The following NPAT variants were observed in gnomAD, a reference collection of about 807,000 sequenced individuals.
NPAT encodes protein NPAT.
Under a neutral mutation model 130.7 loss-of-function variants are expected in NPAT, and 52 were observed. The ratio of observed to expected loss-of-function variants is 0.40; its 90% CI spans 0.32 to 0.50. The LOEUF is 0.50. Ranked by LOEUF, NPAT falls within the 20% of genes least tolerant of loss-of-function variation. NPAT has a pLI of 0.68. For missense variants in NPAT, 1,687 were observed against 1,662.6 expected, an observed-to-expected ratio of 1.01 and a Z score of -0.26; for synonymous variants, 580 against 584.8, an observed-to-expected ratio of 0.99 and a Z score of 0.12.
At position 108,173,110 on chromosome 11, in the gene NPAT, A is replaced by G. The variant is rs1279398107; in HGVS notation, c.1874T>C (p.Leu625Pro). Residue 625 changes from leucine to proline, a missense_variant, in exon 13 of 18, where the codon CTT becomes CCT. By Grantham distance (98) the Leu-to-Pro change is moderately conservative. This residue lies in a region of NPAT where 1,379 missense variants were observed against 1,346.6 expected (regional missense o/e 1.02). Transcript: ENST00000278612. ...TTTAGTAGAAGACAGCGAATCTCCA[A>G]GATGAATTTCTACTTGTCCAGATAC... is the stretch of plus-strand genomic sequence containing the variant. ...LNVSGQVEIH[L>P]GDSLSSTKQP... 1.1e-5 allele frequency: 18 copies of G among 1,614,094 alleles called. No individual in the cohort carries two copies. The highest frequency in any genetic ancestry group is 1.4e-5 in the Non-Finnish European group (17 of 1,179,988).
At chr11:108,160,648 C>T (rs1376558328) in intron 17 of NPAT, among the ~76,000 whole-genome samples, 4 of 152,188 alleles carry the variant, frequency 2.6e-5, no homozygotes, top group South Asian at 4.1e-4. Flanking sequence ...ACACCTTGTG[C>T]GTACTACACT....
At chr11:108,174,600 A>G (rs2077986581) in intron 12 of NPAT, among the ~76,000 whole-genome samples, 1 of 150,026 alleles carries the variant, frequency 6.7e-6, no homozygotes, top group Non-Finnish European at 1.5e-5. Context: ...GATATGAGTA[A>G]GGAAAGAGTA....
intron 10 of NPAT, among the ~76,000 whole-genome samples, chr11:108,184,761 C>T (rs961556580): frequency 6.6e-6 from 1 of 152,152 alleles, no homozygotes; most frequent in South Asian, 2.1e-4. Flanking sequence ...GAATTCCTGG[C>T]CTTAAGTGAT....
intron 15 of NPAT, among the ~76,000 whole-genome samples, chr11:108,163,000 A>G (rs1052682968): frequency 2.0e-5 from 3 of 152,244 alleles, no homozygotes; most frequent in African/African-American, 7.2e-5. Context: ...AAGAGCAAAG[A>G]TGAGATTATG....
intron 10 of NPAT, among the ~76,000 whole-genome samples, chr11:108,177,598 A>T (rs892481474): frequency 1.3e-5 from 2 of 152,222 alleles, no homozygotes; most frequent in Non-Finnish European, 2.9e-5. Context: ...AAAACTAGAT[A>T]GGTGTTTCCT....
At chr11:108,207,846 G>A (rs1171658824) in intron 1 of NPAT, among the ~76,000 whole-genome samples, 1 of 152,186 alleles carries the variant, frequency 6.6e-6, no homozygotes, top group Non-Finnish European at 1.5e-5. Flanking sequence ...CCCAGCTCCT[G>A]CTGCCCTGTG....
chr11:108,217,603 T>G (rs1001258900), intron 1 of NPAT, among the ~76,000 whole-genome samples: 5 of 152,352 alleles, frequency 3.3e-5, no homozygotes, highest in African/African-American at 1.2e-4. Context: ...CATCATTAAG[T>G]ATCTGACTAT....
intron 15 of NPAT, among the ~76,000 whole-genome samples, chr11:108,167,347 GACTACTATCTGCCACCACAGC>G (rs1439410929): frequency 6.6e-6 from 1 of 152,112 alleles, no homozygotes; most frequent in Non-Finnish European, 1.5e-5. Context: ...GAATAGTTGG[GACTACTATCTGCCACCACAGC>G]TGGCTACTTT....
chr11:108,169,371 C>A (rs2077928782), intron 15 of NPAT, among the ~76,000 whole-genome samples: 1 of 152,148 alleles, frequency 6.6e-6, no homozygotes, highest in Non-Finnish European at 1.5e-5. Context: ...TTAACAAAAT[C>A]CCCAAATAGT....
intron 10 of NPAT, among the ~76,000 whole-genome samples, chr11:108,177,435 T>C (rs139576405): frequency 2.1e-4 from 32 of 152,220 alleles, no homozygotes; most frequent in Admixed American, 7.8e-4. Flanking sequence ...ACTGGGATTA[T>C]AGATGTGGGC....
chr11:108,193,693 C>A lies in NPAT; in HGVS notation c.217+264G>T, dbSNP rs186423156. On this transcript the variant is annotated intron_variant, in intron 3 of 17. Coordinates refer to ENST00000278612, the MANE Select transcript of NPAT (RefSeq NM_002519.3). ...TGAGCTGAGATTACGCCACTGCACT[C>A]CAGCCTGGGCAACAAGATTGAAACT... Among the ~76,000 whole-genome samples, 389 of 152,120 alleles carry A rather than the reference C, an allele frequency of 2.6e-3. 2 individuals are homozygous for A. Among genetic ancestry groups the A allele is most frequent in the African/African-American group, 9.1e-3 (376 of 41,498 alleles).
intron 7 of NPAT, 96 bp from the exon 8 acceptor site, chr11:108,186,665 C>T (rs2078110959): frequency 2.0e-6 from 2 of 1,005,566 alleles, no homozygotes; most frequent in Admixed American, 3.9e-5. Flanking sequence ...ATCACCATAA[C>T]AGAACAGATA....
chr11:108,166,837 A>G (rs748643445), intron 15 of NPAT, among the ~76,000 whole-genome samples: 1 of 152,220 alleles, frequency 6.6e-6, no homozygotes, highest in African/African-American at 2.4e-5. Context: ...GGAAAATTAC[A>G]TTGAATTTTT....
intron 17 of NPAT, among the ~76,000 whole-genome samples, chr11:108,159,841 T>G (rs1158162416): frequency 1.4e-5 from 2 of 148,018 alleles, no homozygotes; most frequent in Non-Finnish European, 3.0e-5. Flanking sequence ...CAAAAGACTG[T>G]CTCTATAAAA....
At chr11:108,159,113 T>C (rs989515914) in intron 17 of NPAT, 94 bp from the exon 18 acceptor site, 5 of 753,038 alleles carry the variant, frequency 6.6e-6, no homozygotes, top group African/African-American at 1.7e-5. Flanking sequence ...TTCTTTCACA[T>C]ACTACTAAAA....
Position 108,157,357 on chromosome 11 carries a change from T to TA in NPAT, c.*1584dup, listed in dbSNP as rs1335541383. 6.6e-6 allele frequency: 1 copy of TA among 152,184 alleles called. No homozygotes were observed. The highest frequency in any genetic ancestry group is 6.5e-5 in the Admixed American group (1 of 15,276). The allele number at this position is 152,184 out of a possible 1,614,324, so 9.4% of individuals were successfully genotyped here. ...CTTGCAAAGGAATTTAATCAGTTTC[T>TA]AAACAAGACTGCCAATGTAAAGTAA... On this transcript the variant is annotated 3_prime_UTR_variant, in exon 18 of 18. Transcript: ENST00000278612.
At chr11:108,210,829 G>C (rs921165683) in intron 1 of NPAT, among the ~76,000 whole-genome samples, 9 of 152,306 alleles carry the variant, frequency 5.9e-5, no homozygotes, top group African/African-American at 1.9e-4. Flanking sequence ...TGAAATAGTA[G>C]GAGAGGACTT....
At chr11:108,174,846 T>C (rs922030800) in intron 12 of NPAT, among the ~76,000 whole-genome samples, 3 of 152,034 alleles carry the variant, frequency 2.0e-5, no homozygotes, top group Non-Finnish European at 4.4e-5. Flanking sequence ...CCTGAACTCC[T>C]GACCTCAAGT....
At chr11:108,216,620 T>C (rs956697702) in intron 1 of NPAT, among the ~76,000 whole-genome samples, 1 of 150,010 alleles carries the variant, frequency 6.7e-6, no homozygotes, top group African/African-American at 2.5e-5. Context: ...TAAACCTTTT[T>C]CAGAAAAATA....
Sources: gnomAD v4.1 joint callset for allele counts (sites outside exome capture counted in the v4.1 genomes callset) on GRCh38, gnomAD v4.1.1 for gene constraint, gnomAD v4.1.1 regional missense constraint, MANE v1.5 for transcripts, NCBI Gene and HGNC (gene_info 2026-07-23, HGNC 2026-07-21) for gene names.